Variants in LARP4B observed in about 807,000 individuals in gnomAD.
LARP4B encodes the protein la-related protein 4B.
LARP4B carries 12 observed loss-of-function variants against 89.8 expected under a neutral mutation model. The ratio of observed to expected loss-of-function variants is 0.13; its 90% CI spans 0.09 to 0.22. The LOEUF is 0.22. Among genes scored for constraint, LARP4B ranks in the 10% least tolerant of loss-of-function variants. The pLI is 1.00. For synonymous variants in LARP4B, 367 were observed against 363.3 expected (o/e 1.01, Z -0.12); for missense variants, 757 against 947.7 (o/e 0.80, Z 2.64).
Position 815,327 on chromosome 10 carries a change from C to G in LARP4B, c.1696-257G>C, listed in dbSNP as rs1831979727. ...TTATCTCCTCTCCCGCAATGATGAT[C>G]TACAAGCTTATTTCTTAACTGAACA... On this transcript the variant is annotated intron_variant, in intron 15 of 17. Transcript: ENST00000316157. 4 of 309,660 alleles carry G rather than the reference C, an allele frequency of 1.3e-5. No homozygotes were observed. In the East Asian group the frequency reaches 2.2e-4, roughly 17 times the overall value. 19.2% of individuals were successfully genotyped at this position (309,660 alleles called of 1,614,324 possible).
At chr10:909,622 T>G (rs1836612495) in intron 1 of LARP4B, among the ~76,000 whole-genome samples, 1 of 151,192 alleles carries the variant, frequency 6.6e-6, no homozygotes, top group Non-Finnish European at 1.5e-5. Flanking sequence ...TCGTCTCTAC[T>G]AAAAGTACAA....
At chr10:813,239 C>G (rs2131588877) in intron 17 of LARP4B, 26 bp from the exon 18 acceptor site, 1 of 1,580,920 alleles carries the variant, frequency 6.3e-7, no homozygotes, top group Non-Finnish European at 8.6e-7. Flanking sequence ...CCTGGGTTAC[C>G]TGTGTGAAAT....
intron 3 of LARP4B, among the ~76,000 whole-genome samples, chr10:878,607 AGTT>A (rs1429763819): frequency 6.6e-6 from 1 of 152,228 alleles, no homozygotes; most frequent in Middle Eastern, 3.2e-3. Context: ...AAATACACTG[AGTT>A]GTACTTTTAC....
At chr10:838,315 C>T (rs1012956485) in intron 7 of LARP4B, among the ~76,000 whole-genome samples, 19 of 152,212 alleles carry the variant, frequency 1.2e-4, no homozygotes, top group Admixed American at 1.1e-3. Context: ...TGAAAGGCAA[C>T]GTCAACAGGA....
At chr10:928,155 G>A (rs2132065684) in intron 1 of LARP4B, among the ~76,000 whole-genome samples, 1 of 152,036 alleles carries the variant, frequency 6.6e-6, no homozygotes, top group Admixed American at 6.6e-5. Context: ...CCGAGAGGCG[G>A]AGGATGCAGT....
At chr10:970,339 G>A in the LARP4B span, among the ~76,000 whole-genome samples, 1 of 152,196 alleles carries the variant, frequency 6.6e-6, no homozygotes, top group East Asian at 1.9e-4. Context: ...CTGCCACAGG[G>A]CAGAACACTA....
intron 5 of LARP4B, among the ~76,000 whole-genome samples, chr10:859,246 TC>T (rs1834467692): frequency 6.8e-6 from 1 of 146,644 alleles, no homozygotes; most frequent in South Asian, 2.2e-4. Flanking sequence ...TCCAGTGCAC[TC>T]CAGCCTGGGC....
chr10:826,231 T>C (rs1024396882), intron 11 of LARP4B, among the ~76,000 whole-genome samples: 11 of 152,254 alleles, frequency 7.2e-5, no homozygotes, highest in African/African-American at 2.7e-4. Context: ...CAGTTCTTGA[T>C]TCCTGATGGC....
chr10:836,270 G>C, intron 8 of LARP4B, 133 bp downstream of exon 8: 2 of 605,812 alleles, frequency 3.3e-6, no homozygotes, highest in Non-Finnish European at 5.8e-6. Flanking sequence ...TAAATCCTGG[G>C]AAAACAGTGT....
the LARP4B span, among the ~76,000 whole-genome samples, chr10:970,661 G>A: frequency 0.5 from 76,586 of 151,956 alleles, 19,571 homozygotes; most frequent in South Asian, 0.61. Flanking sequence ...AAATTCAGCC[G>A]TGTCAGCTTT....
chr10:926,759 G>A (rs930208128), intron 1 of LARP4B, among the ~76,000 whole-genome samples: 2 of 152,146 alleles, frequency 1.3e-5, no homozygotes, highest in Admixed American at 6.5e-5. Context: ...AAACATGGCC[G>A]GGCGCAGTGG....
chr10:972,355 C>G, the LARP4B span: 1 of 400,440 alleles, frequency 2.5e-6, no homozygotes, highest in Non-Finnish European at 4.9e-6. Flanking sequence ...CCCACTTCCA[C>G]CAGGGGAAGG....
chr10:909,293 CAAAAAAAAAAA>C (rs56787174), intron 1 of LARP4B, among the ~76,000 whole-genome samples: 1 of 80,868 alleles, frequency 1.2e-5, no homozygotes, highest in African/African-American at 5.5e-5. Flanking sequence ...GACTCCGTCT[CAAAAAAAAAAA>C]AAAAAAAAGG....
the LARP4B span, among the ~76,000 whole-genome samples, chr10:939,000 C>T: frequency 1.3e-5 from 2 of 152,192 alleles, no homozygotes; most frequent in African/African-American, 4.8e-5. Context: ...TGGGTACAGG[C>T]AGGGTTCCTG....
At chr10:879,803 C>T (rs1031174468) in intron 3 of LARP4B, among the ~76,000 whole-genome samples, 6 of 151,258 alleles carry the variant, frequency 4.0e-5, no homozygotes, top group African/African-American at 9.7e-5. Flanking sequence ...GACAGAGTTT[C>T]GCTCTTGTTG....
At chr10:918,575 A>C (rs1177014902) in intron 1 of LARP4B, among the ~76,000 whole-genome samples, 1 of 150,832 alleles carries the variant, frequency 6.6e-6, no homozygotes, top group Admixed American at 6.6e-5. Context: ...TCAAGACCAC[A>C]ATAAGCCAAG....
At chr10:961,445 C>T in the LARP4B span, among the ~76,000 whole-genome samples, 18 of 140,410 alleles carry the variant, frequency 1.3e-4, no homozygotes, top group East Asian at 4.3e-4. Flanking sequence ...CTCATGGCAG[C>T]GTGGTGCCAG....
rs761154907 is a variant in LARP4B, at chr10:864,219, C to T, written c.193G>A (p.Ala65Thr). The T allele has an allele frequency of 6.2e-7, 1 of 1,613,984 alleles. No homozygotes were observed. The highest frequency in any genetic ancestry group is 8.5e-7 in the Non-Finnish European group (1 of 1,179,982). ...ELNPNAEVWG[A>T]PVLHLEASSA... ...CTTGCTTCCAGATGTAACACAGGAG[C>T]CCCCCACACTTCTGCATTAGGGTTC... The change falls in exon 4 of 18, where the codon GCT becomes ACT. Residue 65 changes from alanine (A) to threonine (T), a missense_variant. By Grantham distance (58) the Ala-to-Thr change is moderately conservative. Around this residue, in one of 5 missense-constraint regions of LARP4B, gnomAD observed 175 missense variants for 187.0 expected, o/e 0.94. Coordinates refer to ENST00000316157, the MANE Select transcript of LARP4B (RefSeq NM_015155.3).
intron 1 of LARP4B, among the ~76,000 whole-genome samples, chr10:912,390 T>C (rs1385528918): frequency 6.6e-6 from 1 of 152,096 alleles, no homozygotes; most frequent in Non-Finnish European, 1.5e-5. Flanking sequence ...TTCAAAGCCA[T>C]CCCAGGCCGA....
Sources: allele counts gnomAD v4.1 joint callset (sites outside exome capture counted in the v4.1 genomes callset), GRCh38; gene constraint gnomAD v4.1.1; regional missense constraint gnomAD v4.1.1; transcripts MANE v1.5; gene names NCBI Gene and HGNC (gene_info 2026-07-23, HGNC 2026-07-21).